TMEM8B: variants seen among roughly 807,000 people sequenced by gnomAD.
The protein encoded by TMEM8B is transmembrane protein 8B, also known as nasopharyngeal carcinoma expressed 6.
TMEM8B carries 29 observed loss-of-function variants against 49.3 expected under a neutral mutation model. The ratio of observed to expected loss-of-function variants is 0.59; its 90% CI spans 0.44 to 0.80. The LOEUF (loss-of-function observed/expected upper bound fraction) is 0.80, where lower values mean the gene tolerates loss of function less well. TMEM8B is among the 30% of genes least tolerant of loss of function. The pLI is 0.00. For synonymous variants in TMEM8B, 264 were observed against 272.8 expected (o/e 0.97, Z 0.32); for missense variants, 575 against 658.5 (o/e 0.87, Z 1.39).
In TMEM8B at chr9:35,832,219, G is replaced by A. The variant is rs117748278; in HGVS notation, c.509-2242G>A. ...TGTGTGTATGTGTATGTGTGTATGG[G>A]GTGGGTGATGGTCGGAATTACCCTA... On this transcript the variant is annotated intron_variant, in intron 1 of 12. Coordinates refer to ENST00000643932, the MANE Select transcript of TMEM8B (RefSeq NM_001042590.4). 6.6e-5 allele frequency among the ~76,000 whole-genome samples: 10 copies of A among 151,796 alleles called. No individual in the cohort carries two copies. The East Asian group carries it at 1.9e-3, about 29-fold the overall frequency.
Position 35,842,671 on chromosome 9 carries a change from T to C in TMEM8B, c.1589T>C (p.Val530Ala), listed in dbSNP as rs200776873. 6.2e-7 allele frequency: 1 copy of C among 1,614,120 alleles called. No individual in the cohort carries two copies. The highest frequency in any genetic ancestry group is 2.2e-5 in the East Asian group (1 of 44,892). ...GTGTTCGCCATGAGGCTGTTGCCAGTGCTGGACAGTGGAGGCGTCCTCAGC... is the reference window on the plus strand; with the variant it reads ...GTGTTCGCCATGAGGCTGTTGCCAGCGCTGGACAGTGGAGGCGTCCTCAGC... Reference protein sequence around the residue: ...PAVFAMRLLPVLDSGGVLSLE... With the variant: ...PAVFAMRLLPALDSGGVLSLE... Residue 530 changes from valine to alanine, a missense_variant, in exon 6 of 13, where the codon GTG becomes GCG. Val to Ala is a moderately conservative substitution (Grantham distance 64, BLOSUM62 0). Transcript: ENST00000643932. The surrounding 1 kb of genome is among the most constrained non-coding windows in gnomAD (Gnocchi z 5.6).
rs929178141 is a variant in TMEM8B at position 35,860,204 on chromosome 9, T to A, written c.*6364T>A. The A allele has an allele frequency of 6.6e-6, 1 of 152,220 alleles. No homozygotes were observed. The highest frequency in any genetic ancestry group is 2.4e-5 in the African/African-American group (1 of 41,452). The allele number at this position is 152,220 out of a possible 1,614,324, so 9.4% of individuals were successfully genotyped here. A position where few individuals can be genotyped will look rare whatever the true frequency, so the allele number is the denominator to read the frequency against. Reference sequence around the variant, plus strand: ...GTCACTGAGGGGAGGATGGGGCACATTCTAGTCCCCTAGGCTCCTCTCTGC... The same window carrying A: ...GTCACTGAGGGGAGGATGGGGCACAATCTAGTCCCCTAGGCTCCTCTCTGC... On this transcript the variant is annotated 3_prime_UTR_variant, in exon 13 of 13. Coordinates refer to ENST00000643932, the MANE Select transcript of TMEM8B (RefSeq NM_001042590.4).
intron 1 of TMEM8B, among the ~76,000 whole-genome samples, chr9:35,831,280 G>T (rs1047300771): frequency 7.2e-5 from 11 of 152,082 alleles, no homozygotes; most frequent in Non-Finnish European, 1.6e-4. Flanking sequence ...TCTTCTGAGC[G>T]CCTGTGTTAT....
At chr9:35,847,692 A>G (rs1381442903) in intron 10 of TMEM8B, among the ~76,000 whole-genome samples, 1 of 152,216 alleles carries the variant, frequency 6.6e-6, no homozygotes, top group Non-Finnish European at 1.5e-5. Flanking sequence ...ATCACATCCC[A>G]GCTCAAAGGA....
Position 35,862,697 on chromosome 9 carries a change from C to G in TMEM8B, c.*8857C>G, listed in dbSNP as rs917022800. 2.0e-5 allele frequency: 3 copies of G among 152,256 alleles called. No homozygotes were observed. Among genetic ancestry groups the G allele is most frequent in the African/African-American group, 7.2e-5 (3 of 41,448 alleles). 9.4% of individuals were successfully genotyped at this position (152,256 alleles called of 1,614,324 possible). A position where few individuals can be genotyped will look rare whatever the true frequency, so the allele number is the denominator to read the frequency against. ...CAGGCTGGAGTGCCTTTCTTTTCTA[C>G]TCATCCTTCAAGGCTCAGTTCACAC... On this transcript the variant is annotated 3_prime_UTR_variant, in exon 13 of 13. Coordinates refer to ENST00000643932, the MANE Select transcript of TMEM8B (RefSeq NM_001042590.4).
Position 35,862,895 on chromosome 9 carries a change from G to A in TMEM8B, c.*9055G>A, listed in dbSNP as rs1212723206. Reference sequence around the variant, plus strand: ...TATGAGCTATTGCAGTGAAAGGGCTGTGTCCTTCATCACTGTCACCCTCCA... The same window carrying A: ...TATGAGCTATTGCAGTGAAAGGGCTATGTCCTTCATCACTGTCACCCTCCA... On this transcript the variant is annotated 3_prime_UTR_variant, in exon 13 of 13. Transcript: ENST00000643932. 6.6e-6 allele frequency: 1 copy of A among 152,218 alleles called. No homozygotes were observed. The highest frequency in any genetic ancestry group is 2.4e-5 in the African/African-American group (1 of 41,440). The allele number at this position is 152,218 out of a possible 1,614,324, so 9.4% of individuals were successfully genotyped here.
chr9:35,834,031 T>C (rs1306236499), intron 1 of TMEM8B, among the ~76,000 whole-genome samples: 5 of 138,408 alleles, frequency 3.6e-5, no homozygotes, highest in South Asian at 2.5e-4. Flanking sequence ...CATGCCAAAA[T>C]ACACACACAC....
rs1832626076 is a variant in TMEM8B, at chr9:35,860,194, A to T, written c.*6354A>T. On this transcript the variant is annotated 3_prime_UTR_variant, in exon 13 of 13. Transcript: ENST00000643932. ...TTCTGTGGACGTCACTGAGGGGAGGATGGGGCACATTCTAGTCCCCTAGGC... is the reference window on the plus strand; with the variant it reads ...TTCTGTGGACGTCACTGAGGGGAGGTTGGGGCACATTCTAGTCCCCTAGGC... 1.3e-5 allele frequency: 2 copies of T among 152,188 alleles called. No individual in the cohort carries two copies. The highest frequency in any genetic ancestry group is 2.9e-5 in the Non-Finnish European group (2 of 68,040). The allele number at this position is 152,188 out of a possible 1,614,324, so 9.4% of individuals were successfully genotyped here. A position where few individuals can be genotyped will look rare whatever the true frequency, so the allele number is the denominator to read the frequency against.
At chr9:35,839,946 G>A (rs902199439) in intron 3 of TMEM8B, among the ~76,000 whole-genome samples, 8 of 152,188 alleles carry the variant, frequency 5.3e-5, no homozygotes, top group Non-Finnish European at 1.2e-4. Flanking sequence ...TTGGAGCTTT[G>A]CTGGAAGTCA....
intron 3 of TMEM8B, among the ~76,000 whole-genome samples, chr9:35,836,872 T>C (rs1328048414): frequency 6.6e-6 from 1 of 152,128 alleles, no homozygotes; most frequent in African/African-American, 2.4e-5. Context: ...CTGGACGCCG[T>C]GAGAGATGTA....
intron 6 of TMEM8B, among the ~76,000 whole-genome samples, chr9:35,843,998 A>G (rs1280704151): frequency 6.6e-6 from 1 of 152,184 alleles, no homozygotes; most frequent in East Asian, 1.9e-4. Context: ...TCCTGGACTC[A>G]ACTGATCCGC....
intron 3 of TMEM8B, among the ~76,000 whole-genome samples, chr9:35,839,235 C>T (rs958224389): frequency 6.6e-6 from 1 of 152,374 alleles, no homozygotes; most frequent in South Asian, 2.1e-4. Flanking sequence ...ATGCCTTAGA[C>T]TCCAGGATCT....
chr9:35,851,725 C>T (rs1461931216), intron 10 of TMEM8B, among the ~76,000 whole-genome samples: 1 of 152,188 alleles, frequency 6.6e-6, no homozygotes, highest in Non-Finnish European at 1.5e-5. Flanking sequence ...GAATCAAACC[C>T]AAAGTTTCCT....
intron 6 of TMEM8B, among the ~76,000 whole-genome samples, chr9:35,843,006 C>G (rs16932706): frequency 0.14 from 20,735 of 152,214 alleles, 1,854 homozygotes; most frequent in East Asian, 0.32. Flanking sequence ...AGTTGTTAAC[C>G]TTTTCTTGCA....
In TMEM8B at chr9:35,846,277, CCTCT is replaced by C. The variant is rs1564033878; in HGVS notation, c.1752_1755del (p.Ser587ProfsTer106). ...CTTCAGAGTCCCTGGCCGGCTTCCT[CCTCT>C]CTGTCAGTGCCACCACCAGGGTTGC... On this transcript the variant is annotated frameshift_variant, in exon 8 of 13. Transcript: ENST00000643932. LOFTEE classifies it high-confidence loss of function. 1 of 1,614,242 alleles carries C rather than the reference CCTCT, an allele frequency of 6.2e-7. No homozygotes were observed. The highest frequency in any genetic ancestry group is 8.5e-7 in the Non-Finnish European group (1 of 1,180,042).
At position 35,833,286 on chromosome 9, in the gene TMEM8B, C is replaced by T. The variant is rs141382780; in HGVS notation, c.509-1175C>T. 511 of 985,150 alleles carry T rather than the reference C, an allele frequency of 5.2e-4. 1 individual carries two copies. In the African/African-American group the frequency reaches 8.0e-3, roughly 15 times the overall value. 61.0% of individuals were successfully genotyped at this position (985,150 alleles called of 1,614,324 possible). ...CCTCCAGAGTAGTCCTTATTCCAGC[C>T]CCGGGTCTGTCCTGAAGCTGCTGAG... On this transcript the variant is annotated intron_variant, in intron 1 of 12. Transcript: ENST00000643932.
Position 35,859,612 on chromosome 9 carries a change from C to T in TMEM8B, c.*5772C>T, listed in dbSNP as rs1199523371. ...GGGTACCTAAGCGGCTGGCAGATAG[C>T]CACATAACGGTCATATGCCATCACA... is the stretch of plus-strand genomic sequence containing the variant. On this transcript the variant is annotated 3_prime_UTR_variant, in exon 13 of 13. Coordinates refer to ENST00000643932, the MANE Select transcript of TMEM8B (RefSeq NM_001042590.4). The T allele has an allele frequency of 3.1e-5, 5 of 162,542 alleles. No homozygotes were observed. Among genetic ancestry groups the T allele is most frequent in the Non-Finnish European group, 2.9e-5 (2 of 69,716 alleles). The allele number at this position is 162,542 out of a possible 1,614,324, so 10.1% of individuals were successfully genotyped here.
In TMEM8B at chr9:35,861,708, G is replaced by T. The variant is rs1832656624; in HGVS notation, c.*7868G>T. 1 of 152,320 alleles carries T rather than the reference G, an allele frequency of 6.6e-6. No homozygotes were observed. The highest frequency in any genetic ancestry group is 2.4e-5 in the African/African-American group (1 of 41,438). The allele number at this position is 152,320 out of a possible 1,614,324, so 9.4% of individuals were successfully genotyped here. A position where few individuals can be genotyped will look rare whatever the true frequency, so the allele number is the denominator to read the frequency against. ...TCCTTGAAGACTGGGATGCTATGTA[G>T]CTCAGAGGAAACATACACCTGAAGG... On this transcript the variant is annotated 3_prime_UTR_variant, in exon 13 of 13. Transcript: ENST00000643932.
At chr9:35,835,444 A>T in intron 3 of TMEM8B, 1 of 380,018 alleles carries the variant, frequency 2.6e-6, no homozygotes, top group Non-Finnish European at 4.7e-6. Context: ...GGGTCCAGGT[A>T]AGCTGAAGGG....
Sources: gnomAD v4.1 joint callset for allele counts (sites outside exome capture counted in the v4.1 genomes callset) on GRCh38, gnomAD v4.1.1 for gene constraint, Gnocchi (gnomAD v3.1) non-coding constraint, MANE v1.5 for transcripts, NCBI Gene and HGNC (gene_info 2026-07-23, HGNC 2026-07-21) for gene names.